STX8: variants seen among roughly 807,000 people sequenced by gnomAD.
The protein encoded by STX8 is syntaxin-8.
In STX8, 23 loss-of-function variants were observed where a neutral mutation model predicts 37.5. The observed-to-expected ratio is 0.61, with a 90% CI of 0.44 to 0.87. The LOEUF (loss-of-function observed/expected upper bound fraction) is 0.87. Among genes scored for constraint, STX8 ranks in the 40% least tolerant of loss-of-function variants. The probability of loss-of-function intolerance (pLI) is 0.00; values close to 1 mark genes in which losing one functional copy is unlikely to be tolerated. For synonymous variants in STX8, 115 were observed against 99.1 expected (o/e 1.16, Z -0.95); for missense variants, 313 against 284.7 (o/e 1.10, Z -0.71).
At chr17:9,550,098 C>T (rs1006741619) in intron 3 of STX8, among the ~76,000 whole-genome samples, 14 of 152,116 alleles carry the variant, frequency 9.2e-5, no homozygotes, top group African/African-American at 2.9e-4. Flanking sequence ...GTGGCACACG[C>T]CTGTAGTCCC....
intron 5 of STX8, among the ~76,000 whole-genome samples, chr17:9,493,994 T>A (rs1312931209): frequency 0.1 from 1 of 10 alleles, no homozygotes; most frequent in East Asian, 0.25. Flanking sequence ...ATATGTTTTG[T>A]TTTTTTTTGT....
chr17:9,519,933 G>T (rs984790035), intron 4 of STX8, among the ~76,000 whole-genome samples: 5 of 151,830 alleles, frequency 3.3e-5, no homozygotes, highest in African/African-American at 9.7e-5. Context: ...ATCACTCGCT[G>T]GTATTCCCAT....
intron 4 of STX8, among the ~76,000 whole-genome samples, chr17:9,540,468 G>A (rs1906235481): frequency 6.6e-6 from 1 of 152,170 alleles, no homozygotes; most frequent in Admixed American, 6.5e-5. Flanking sequence ...TGGGTCTAAA[G>A]CAATCCTAGC....
chr17:9,406,887 A>G (rs1485510917), intron 6 of STX8, among the ~76,000 whole-genome samples: 1 of 152,202 alleles, frequency 6.6e-6, no homozygotes, highest in African/African-American at 2.4e-5. Context: ...ACACTTTACC[A>G]TAAACCACTA....
chr17:9,265,367 C>T lies in STX8; in HGVS notation c.644-14722G>A, dbSNP rs552630464. Among the ~76,000 whole-genome samples the T allele has an allele frequency of 1.7e-4, 26 of 152,308 alleles. No homozygotes were observed. In the East Asian group the frequency reaches 3.7e-3, roughly 22 times the overall value. On this transcript the variant is annotated intron_variant, in intron 7 of 7. Transcript: ENST00000306357. Reference sequence around the variant, plus strand: ...AACACTCTGGATGGGGCACGCTAGTCGCTTAGAGCCTTCCCACTGGGGATC... The same window carrying T: ...AACACTCTGGATGGGGCACGCTAGTTGCTTAGAGCCTTCCCACTGGGGATC...
chr17:9,343,344 T>G (rs1420210685), intron 7 of STX8, among the ~76,000 whole-genome samples: 1 of 152,160 alleles, frequency 6.6e-6, no homozygotes, highest in Non-Finnish European at 1.5e-5. Flanking sequence ...AGAACTGTTC[T>G]CTCTACTGCT....
At chr17:9,289,379 C>G (rs909842594) in intron 7 of STX8, among the ~76,000 whole-genome samples, 53 of 152,020 alleles carry the variant, frequency 3.5e-4, no homozygotes, top group African/African-American at 1.2e-3. Flanking sequence ...ATTAAGAAGG[C>G]CTAGCAGAGG....
intron 1 of STX8, among the ~76,000 whole-genome samples, chr17:9,571,591 C>T (rs1349428348): frequency 1.1e-5 from 1 of 93,742 alleles, no homozygotes; most frequent in African/African-American, 3.9e-5. Flanking sequence ...AAGAGCAAGA[C>T]TTTGTCTCAA....
intron 6 of STX8, among the ~76,000 whole-genome samples, chr17:9,392,759 T>C (rs1477523038): frequency 2.6e-5 from 4 of 152,156 alleles, no homozygotes; most frequent in African/African-American, 4.8e-5. Flanking sequence ...GAAAACTCAC[T>C]GGATGGGATC....
intron 6 of STX8, among the ~76,000 whole-genome samples, chr17:9,442,386 A>G (rs1359151488): frequency 3.3e-5 from 5 of 151,888 alleles, no homozygotes; most frequent in Non-Finnish European, 7.4e-5. Context: ...CATCATCTAC[A>G]TTACTCCCAA....
At chr17:9,438,787 G>C (rs1308152012) in intron 6 of STX8, among the ~76,000 whole-genome samples, 1 of 151,984 alleles carries the variant, frequency 6.6e-6, no homozygotes, top group African/African-American at 2.4e-5. Context: ...AAATTAGCCG[G>C]GCGGTGGTGG....
chr17:9,443,802 T>C (rs1205144107), intron 6 of STX8, among the ~76,000 whole-genome samples: 1 of 152,210 alleles, frequency 6.6e-6, no homozygotes, highest in Non-Finnish European at 1.5e-5. Context: ...TTTGTATTTC[T>C]CTACTAAATG....
At chr17:9,571,706 G>A (rs1433798106) in intron 1 of STX8, among the ~76,000 whole-genome samples, 1 of 151,842 alleles carries the variant, frequency 6.6e-6, no homozygotes, top group Admixed American at 6.6e-5. Flanking sequence ...CCTGAGGTCA[G>A]GAGTTCAAGA....
chr17:9,327,452 T>C lies in STX8; in HGVS notation c.643+51100A>G, dbSNP rs116539189. On this transcript the variant is annotated intron_variant, in intron 7 of 7. Coordinates refer to ENST00000306357, the MANE Select transcript of STX8 (RefSeq NM_004853.3). ...AGACTCAGGGAAAACTGTCTATTTC[T>C]ATGCTTAGGTTGGATGTGAATGGAC... Among the ~76,000 whole-genome samples the C allele has an allele frequency of 8.3e-3, 1,259 of 152,172 alleles. 20 individuals are homozygous for C. Among genetic ancestry groups the C allele is most frequent in the African/African-American group, 0.029 (1,196 of 41,512 alleles).
At chr17:9,526,055 C>T (rs1378435960) in intron 4 of STX8, among the ~76,000 whole-genome samples, 1 of 152,160 alleles carries the variant, frequency 6.6e-6, no homozygotes, top group Non-Finnish European at 1.5e-5. Context: ...AATACTGTCC[C>T]TACGAACAGG....
At chr17:9,419,558 A>T (rs1314642798) in intron 6 of STX8, among the ~76,000 whole-genome samples, 1 of 152,192 alleles carries the variant, frequency 6.6e-6, no homozygotes, top group Non-Finnish European at 1.5e-5. Context: ...AGGACAACAA[A>T]TGGGAGGTAG....
chr17:9,327,014 G>A (rs1405058674), intron 7 of STX8, among the ~76,000 whole-genome samples: 5 of 151,980 alleles, frequency 3.3e-5, no homozygotes, highest in African/African-American at 7.2e-5. Context: ...AAAATTAGCC[G>A]GGCGTGATGG....
intron 7 of STX8, among the ~76,000 whole-genome samples, chr17:9,358,202 CA>C (rs1567796538): frequency 6.6e-6 from 1 of 151,912 alleles, no homozygotes; most frequent in Non-Finnish European, 1.5e-5. Flanking sequence ...AAAAAACAAA[CA>C]AAAAAATTAG....
intron 6 of STX8, among the ~76,000 whole-genome samples, chr17:9,488,063 A>G (rs531949944): frequency 9.0e-4 from 137 of 152,240 alleles, no homozygotes; most frequent in African/African-American, 3.1e-3. Context: ...GCAGTGGCTC[A>G]TGCCTGTAAT....
Sources: gnomAD v4.1 joint callset for allele counts (sites outside exome capture counted in the v4.1 genomes callset) on GRCh38, gnomAD v4.1.1 for gene constraint, MANE v1.5 for transcripts, NCBI Gene and HGNC (gene_info 2026-07-23, HGNC 2026-07-21) for gene names.